EFNA5: variants seen among roughly 807,000 people sequenced by gnomAD.
The protein encoded by EFNA5 is ephrin A5.
A neutral mutation model predicts 22.9 loss-of-function variants in EFNA5; 5 were observed. That is an observed-to-expected ratio of 0.22 (90% CI 0.11 to 0.46). The LOEUF is 0.46. Among genes scored for constraint, EFNA5 ranks in the 20% least tolerant of loss-of-function variants. EFNA5 has a pLI of 0.99. For missense variants in EFNA5, 237 were observed against 293.3 expected (o/e 0.81, Z 1.40); for synonymous variants, 113 against 112.2 (o/e 1.01, Z -0.04).
At chr5:107,626,253 A>G (rs1007995707) in intron 1 of EFNA5, among the ~76,000 whole-genome samples, 3 of 152,202 alleles carry the variant, frequency 2.0e-5, no homozygotes, top group Non-Finnish European at 4.4e-5. Flanking sequence ...ACAGAATAGT[A>G]CACAGTATGT....
intron 2 of EFNA5, among the ~76,000 whole-genome samples, chr5:107,389,948 A>T (rs1218399093): frequency 2.0e-5 from 3 of 152,194 alleles, no homozygotes; most frequent in Non-Finnish European, 4.4e-5. Context: ...TGACTATTAT[A>T]CTCTAATCCT....
intron 1 of EFNA5, among the ~76,000 whole-genome samples, chr5:107,465,555 T>C (rs1379421027): frequency 6.6e-6 from 1 of 152,150 alleles, no homozygotes; most frequent in South Asian, 2.1e-4. Flanking sequence ...CATGGAGTGA[T>C]GACAGTTAGC....
intron 1 of EFNA5, among the ~76,000 whole-genome samples, chr5:107,590,016 A>G (rs1028665249): frequency 6.6e-6 from 1 of 152,182 alleles, no homozygotes; most frequent in African/African-American, 2.4e-5. Flanking sequence ...AATTTACGTA[A>G]GACCAGAGAT....
At chr5:107,587,912 G>A (rs909723660) in intron 1 of EFNA5, among the ~76,000 whole-genome samples, 2 of 152,246 alleles carry the variant, frequency 1.3e-5, no homozygotes, top group South Asian at 2.1e-4. Flanking sequence ...CAGGAGATGC[G>A]AAGACAAGTG....
chr5:107,394,167 C>T (rs1427969858), intron 2 of EFNA5, among the ~76,000 whole-genome samples: 1 of 152,188 alleles, frequency 6.6e-6, no homozygotes, highest in African/African-American at 2.4e-5. Flanking sequence ...AAGTCATGTG[C>T]TTTAATGACT....
At chr5:107,396,589 G>T (rs1434959918) in intron 2 of EFNA5, among the ~76,000 whole-genome samples, 1 of 152,116 alleles carries the variant, frequency 6.6e-6, no homozygotes, top group Non-Finnish European at 1.5e-5. Context: ...GTGGATAGTG[G>T]TGATTAAAAG....
At chr5:107,569,238 G>A (rs983481974) in intron 1 of EFNA5, among the ~76,000 whole-genome samples, 1 of 151,538 alleles carries the variant, frequency 6.6e-6, no homozygotes, top group Non-Finnish European at 1.5e-5. Flanking sequence ...CCTCTAGGAA[G>A]GGGCTTCCTC....
chr5:107,532,244 A>G (rs1034799943), intron 1 of EFNA5, among the ~76,000 whole-genome samples: 1 of 152,242 alleles, frequency 6.6e-6, no homozygotes, highest in Admixed American at 6.5e-5. Flanking sequence ...GACAATTATT[A>G]GTGGAGAGCT....
At chr5:107,481,115 A>C (rs1454032301) in intron 1 of EFNA5, among the ~76,000 whole-genome samples, 5 of 152,234 alleles carry the variant, frequency 3.3e-5, no homozygotes, top group African/African-American at 1.2e-4. Flanking sequence ...AGCAAGCAAC[A>C]GGGTAAAGTT....
At chr5:107,564,269 C>T (rs535231509) in intron 1 of EFNA5, among the ~76,000 whole-genome samples, 5 of 152,296 alleles carry the variant, frequency 3.3e-5, no homozygotes, top group Admixed American at 6.5e-5. Flanking sequence ...GGCAGAACTT[C>T]TTGTCTCTGT....
At chr5:107,512,474 G>T (rs1173871262) in intron 1 of EFNA5, among the ~76,000 whole-genome samples, 1 of 151,828 alleles carries the variant, frequency 6.6e-6, no homozygotes, top group Non-Finnish European at 1.5e-5. Flanking sequence ...CTTCTAGGAG[G>T]TTTACAGTTC....
intron 1 of EFNA5, among the ~76,000 whole-genome samples, chr5:107,650,053 A>T (rs1298230293): frequency 1.3e-5 from 2 of 152,278 alleles, no homozygotes; most frequent in East Asian, 3.9e-4. Flanking sequence ...GAATCTTAGA[A>T]TCTAGTAATG....
At position 107,378,738 on chromosome 5, in the gene EFNA5, G is replaced by A. The variant is rs1170163903; in HGVS notation, c.*2517C>T. 6.6e-6 allele frequency: 1 copy of A among 152,150 alleles called. No homozygotes were observed. Among genetic ancestry groups the A allele is most frequent in the Non-Finnish European group, 1.5e-5 (1 of 68,034 alleles). 9.4% of individuals were successfully genotyped at this position (152,150 alleles called of 1,614,324 possible). ...CACTGTGAAAAAATGAAAGACAATG[G>A]CAGAGAGGGCCATGAGTAATTATTT... On this transcript the variant is annotated 3_prime_UTR_variant, in exon 5 of 5. Coordinates refer to ENST00000333274, the MANE Select transcript of EFNA5 (RefSeq NM_001962.3).
chr5:107,616,984 G>A (rs907151590), intron 1 of EFNA5, among the ~76,000 whole-genome samples: 2 of 152,096 alleles, frequency 1.3e-5, no homozygotes, highest in African/African-American at 4.8e-5. Flanking sequence ...TAAGGGCAGA[G>A]AGCACATTAG....
At chr5:107,537,561 T>C (rs773591420) in intron 1 of EFNA5, among the ~76,000 whole-genome samples, 3 of 152,160 alleles carry the variant, frequency 2.0e-5, no homozygotes, top group Non-Finnish European at 4.4e-5. Context: ...ATCGTACCAT[T>C]GCACTCCTGC....
At chr5:107,623,832 T>C (rs879639572) in intron 1 of EFNA5, among the ~76,000 whole-genome samples, 8 of 152,190 alleles carry the variant, frequency 5.3e-5, no homozygotes, top group East Asian at 1.9e-4. Context: ...GAAAGAAGTT[T>C]TGTGGTAAAG....
chr5:107,429,328 C>T (rs1295047757), intron 1 of EFNA5, among the ~76,000 whole-genome samples: 1 of 152,214 alleles, frequency 6.6e-6, no homozygotes, highest in Admixed American at 6.5e-5. Context: ...TGCCTGTAAT[C>T]CCAGCTACTC....
intron 1 of EFNA5, among the ~76,000 whole-genome samples, chr5:107,571,865 T>C (rs1047793577): frequency 1.3e-5 from 2 of 152,086 alleles, no homozygotes; most frequent in East Asian, 1.9e-4. Flanking sequence ...ACACACTTGG[T>C]CCTGTTCCCT....
intron 4 of EFNA5, among the ~76,000 whole-genome samples, chr5:107,383,781 AC>A (rs1262195526): frequency 6.6e-6 from 1 of 152,162 alleles, no homozygotes; most frequent in Non-Finnish European, 1.5e-5. Context: ...TTCCAGGTCC[AC>A]TCAGCACAAG....
Sources: allele counts gnomAD v4.1 joint callset (sites outside exome capture counted in the v4.1 genomes callset), GRCh38; gene constraint gnomAD v4.1.1; transcripts MANE v1.5; gene names NCBI Gene and HGNC (gene_info 2026-07-23, HGNC 2026-07-21).